The following ACOXL variants were observed in gnomAD, a reference collection of about 807,000 sequenced individuals.
ACOXL encodes the protein acyl-coenzyme A oxidase-like protein.
A neutral mutation model predicts 71.9 loss-of-function variants in ACOXL; 70 were observed. That is an observed-to-expected ratio of 0.97 (90% CI 0.80 to 1.19). The LOEUF (loss-of-function observed/expected upper bound fraction) is 1.19. Among genes scored for constraint, ACOXL ranks in the 50% most tolerant of loss-of-function variants. The probability of loss-of-function intolerance (pLI) is 0.00; values close to 1 mark genes in which losing one functional copy is unlikely to be tolerated. For synonymous variants in ACOXL, 253 were observed against 281.6 expected (o/e 0.90, Z 1.02); for missense variants, 703 against 736.3 (o/e 0.95, Z 0.52).
Position 111,053,410 on chromosome 2 carries a change from A to G in ACOXL, c.1440+4122A>G, listed in dbSNP as rs138031019. Among the ~76,000 whole-genome samples the G allele has an allele frequency of 7.2e-4, 109 of 152,286 alleles. 1 individual carries two copies. The highest frequency in any genetic ancestry group is 2.5e-3 in the African/African-American group (103 of 41,558). On this transcript the variant is annotated intron_variant, in intron 16 of 17. Coordinates refer to ENST00000439055, the MANE Select transcript of ACOXL (RefSeq NM_001142807.4). ...GTGTGAGTGAAAGGGGCACCATTAAAAATAGAACTTGGATGGCAGGCATAG... is the reference window on the plus strand; with the variant it reads ...GTGTGAGTGAAAGGGGCACCATTAAGAATAGAACTTGGATGGCAGGCATAG...
Position 111,118,103 on chromosome 2 carries a change from A to C in ACOXL, c.*287A>C. ...AACTTCAGTGCCGGATCCCCTAGAC[A>C]ATCAGGGTGGGCTCCCCGCTGCGAG... On this transcript the variant is annotated 3_prime_UTR_variant, in exon 18 of 18. Coordinates refer to ENST00000439055, the MANE Select transcript of ACOXL (RefSeq NM_001142807.4). The C allele has an allele frequency of 1.9e-6, 1 of 523,434 alleles. No homozygotes were observed. The allele number at this position is 523,434 out of a possible 1,614,324, so 32.4% of individuals were successfully genotyped here.
At chr2:110,792,928 C>A (rs1684820104) in intron 3 of ACOXL, among the ~76,000 whole-genome samples, 1 of 152,192 alleles carries the variant, frequency 6.6e-6, no homozygotes, top group African/African-American at 2.4e-5. Context: ...CAGCCTCAGC[C>A]CTTCCCACTT....
At chr2:111,048,198 G>A (rs35151229) in intron 15 of ACOXL, among the ~76,000 whole-genome samples, 4,649 of 152,256 alleles carry the variant, frequency 0.031, 92 homozygotes, top group East Asian at 0.07. Flanking sequence ...GGGACCAGAG[G>A]GCAATCAATG....
intron 1 of ACOXL, among the ~76,000 whole-genome samples, chr2:110,762,686 C>T (rs1680556964): frequency 6.6e-6 from 1 of 152,124 alleles, no homozygotes; most frequent in Admixed American, 6.6e-5. Flanking sequence ...GACAGGGTCT[C>T]ACTCTGTCAC....
chr2:110,932,231 CA>C (rs1423511810), intron 11 of ACOXL, among the ~76,000 whole-genome samples: 2 of 152,138 alleles, frequency 1.3e-5, no homozygotes, highest in Non-Finnish European at 1.5e-5. Flanking sequence ...TGTCAAAGAA[CA>C]GTTCAGTGGT....
At chr2:110,980,334 A>G (rs2062647644) in intron 12 of ACOXL, among the ~76,000 whole-genome samples, 1 of 152,238 alleles carries the variant, frequency 6.6e-6, no homozygotes, top group South Asian at 2.1e-4. Flanking sequence ...TCACGCCCCT[A>G]CTGTGGCATG....
At chr2:110,901,479 A>G (rs1324411042) in intron 10 of ACOXL, among the ~76,000 whole-genome samples, 2 of 152,168 alleles carry the variant, frequency 1.3e-5, no homozygotes, top group African/African-American at 4.8e-5. Context: ...TTGGATTGAT[A>G]GACTGTTGAG....
chr2:110,995,842 A>G (rs2063372774), intron 13 of ACOXL, 51 bp from the exon 14 acceptor site: 5 of 1,443,776 alleles, frequency 3.5e-6, no homozygotes, highest in Non-Finnish European at 4.9e-6. Flanking sequence ...TTCAAATGAA[A>G]TTCTTGGTGA....
intron 11 of ACOXL, among the ~76,000 whole-genome samples, chr2:110,929,007 G>A (rs1275911455): frequency 6.6e-6 from 1 of 152,202 alleles, no homozygotes; most frequent in Non-Finnish European, 1.5e-5. Flanking sequence ...CCTTGGGTAT[G>A]TCTTTATCAG....
At chr2:111,097,468 C>A (rs527262917) in intron 17 of ACOXL, among the ~76,000 whole-genome samples, 5 of 152,350 alleles carry the variant, frequency 3.3e-5, no homozygotes, top group Non-Finnish European at 5.9e-5. Flanking sequence ...ATCAGAACAA[C>A]AACCACATCC....
chr2:110,779,972 A>G (rs1034233987), intron 2 of ACOXL, among the ~76,000 whole-genome samples: 2 of 152,260 alleles, frequency 1.3e-5, no homozygotes, highest in African/African-American at 2.4e-5. Flanking sequence ...CAATAAAATT[A>G]AGAACTGCTG....
At chr2:111,048,231 G>A (rs1015276526) in intron 15 of ACOXL, among the ~76,000 whole-genome samples, 11 of 152,300 alleles carry the variant, frequency 7.2e-5, no homozygotes, top group Non-Finnish European at 1.3e-4. Flanking sequence ...GGATGGGTGG[G>A]CTTGGGATGT....
chr2:110,945,913 G>A (rs746877114), intron 12 of ACOXL, among the ~76,000 whole-genome samples: 4 of 151,848 alleles, frequency 2.6e-5, no homozygotes, highest in African/African-American at 9.7e-5. Flanking sequence ...TAGGAATAGC[G>A]TTGAATCTGT....
chr2:111,049,799 C>T (rs1245518693), intron 16 of ACOXL, among the ~76,000 whole-genome samples: 1 of 142,752 alleles, frequency 7.0e-6, no homozygotes, highest in Non-Finnish European at 1.5e-5. Context: ...TTCCCCCCAA[C>T]CCCCCGCCCC....
At chr2:110,758,977 G>T (rs930606985) in intron 1 of ACOXL, among the ~76,000 whole-genome samples, 16 of 152,178 alleles carry the variant, frequency 1.1e-4, no homozygotes, top group African/African-American at 3.6e-4. Context: ...TCCTGTAGTT[G>T]TGTGGGTTTA....
chr2:110,955,801 T>G (rs765110221), intron 12 of ACOXL, among the ~76,000 whole-genome samples: 10 of 152,158 alleles, frequency 6.6e-5, no homozygotes, highest in Non-Finnish European at 1.3e-4. Flanking sequence ...AATTCCCTTC[T>G]TTAAGTTTCC....
chr2:110,904,785 T>C (rs953505336), intron 10 of ACOXL, among the ~76,000 whole-genome samples: 2 of 152,130 alleles, frequency 1.3e-5, no homozygotes, highest in African/African-American at 4.8e-5. Context: ...GGTAAGCAGG[T>C]TTAAGACTGG....
chr2:111,061,571 G>A (rs1482551102), intron 16 of ACOXL, among the ~76,000 whole-genome samples: 2 of 151,972 alleles, frequency 1.3e-5, no homozygotes, highest in African/African-American at 2.4e-5. Context: ...GAAAGAATTC[G>A]GTAAACAAAG....
intron 14 of ACOXL, among the ~76,000 whole-genome samples, chr2:111,006,567 T>C (rs1406735490): frequency 6.6e-6 from 1 of 151,988 alleles, no homozygotes; most frequent in Non-Finnish European, 1.5e-5. Context: ...CTTTTTTTTT[T>C]TTCTTTTTTG....
Sources: gnomAD v4.1 joint callset for allele counts (sites outside exome capture counted in the v4.1 genomes callset) on GRCh38, gnomAD v4.1.1 for gene constraint, MANE v1.5 for transcripts, NCBI Gene and HGNC (gene_info 2026-07-23, HGNC 2026-07-21) for gene names.